PPP1CC: variants seen among roughly 807,000 people sequenced by gnomAD.
PPP1CC encodes the protein protein phosphatase 1 catalytic subunit gamma, also known as serine/threonine-protein phosphatase PP1-gamma catalytic subunit.
A neutral mutation model predicts 38.4 loss-of-function variants in PPP1CC; 16 were observed. That is an observed-to-expected ratio of 0.42 (90% confidence interval 0.28 to 0.63). PPP1CC has a LOEUF of 0.63. Ranked by LOEUF, PPP1CC falls within the 30% of genes least tolerant of loss-of-function variation. The pLI, the probability that PPP1CC is intolerant of heterozygous loss-of-function variation, is 0.25. For missense variants in PPP1CC, 170 were observed against 391.3 expected, an observed-to-expected ratio of 0.43 and a Z score of 4.77; for synonymous variants, 158 against 136.0, an observed-to-expected ratio of 1.16 and a Z score of -1.13.
At position 110,722,088 on chromosome 12, in the gene PPP1CC, A is replaced by G; in HGVS notation, c.882+47T>C. 1.2e-6 allele frequency: 2 copies of G among 1,603,650 alleles called. No homozygotes were observed. The highest frequency in any genetic ancestry group is 1.1e-5 in the South Asian group (1 of 89,880). ...GTAGCAATTATATTTTTCAATCAGC[A>G]AAGTGTAAACATATTAAAAGGAAAT... On this transcript the variant is annotated intron_variant, in intron 6 of 6. Coordinates refer to ENST00000335007, the MANE Select transcript of PPP1CC (RefSeq NM_002710.4). The surrounding 1 kb of genome is among the most constrained non-coding windows in gnomAD (Gnocchi z 5.4).
chr12:110,735,263 T>C (rs1300422861), intron 1 of PPP1CC, among the ~76,000 whole-genome samples: 2 of 151,900 alleles, frequency 1.3e-5, no homozygotes, highest in Non-Finnish European at 2.9e-5. Context: ...TATTTACTCG[T>C]TGTAGTTAAC....
At chr12:110,726,762 G>C (rs1269872735) in intron 3 of PPP1CC, 2 of 152,140 alleles carry the variant, frequency 1.3e-5, no homozygotes, top group Non-Finnish European at 2.9e-5. Context: ...GATTAGGGAT[G>C]TTTAACCAGT....
chr12:110,722,853 AAC>A lies in PPP1CC; in HGVS notation c.524-160_524-159del, dbSNP rs1468259492. On this transcript the variant is annotated intron_variant, in intron 4 of 6. Coordinates refer to ENST00000335007, the MANE Select transcript of PPP1CC (RefSeq NM_002710.4). The surrounding 1 kb of genome is among the most constrained non-coding windows in gnomAD (Gnocchi z 5.4). ...TATTTACTTTTGGTTAAAAGAAAAA[AAC>A]ACAGAAAAAGGACAACTGGATACAC... Among the ~76,000 whole-genome samples the A allele has an allele frequency of 1.3e-5, 2 of 152,274 alleles. No homozygotes were observed. The highest frequency in any genetic ancestry group is 4.8e-5 in the African/African-American group (2 of 41,468).
At chr12:110,736,907 T>C (rs1210113634) in intron 1 of PPP1CC, among the ~76,000 whole-genome samples, 6 of 152,196 alleles carry the variant, frequency 3.9e-5, no homozygotes, top group Non-Finnish European at 7.3e-5. Context: ...TGAATTCTAA[T>C]GAAGTTTCAG....
At chr12:110,719,392 T>C (rs756936731), downstream of PPP1CC, among the ~76,000 whole-genome samples, 1 of 152,154 alleles carries the variant, frequency 6.6e-6, no homozygotes, top group Non-Finnish European at 1.5e-5. Flanking sequence ...GGAGACCACT[T>C]TGTAACAGGA....
At chr12:110,717,555 G>A (rs1232865756), downstream of PPP1CC, among the ~76,000 whole-genome samples, 2 of 152,020 alleles carry the variant, frequency 1.3e-5, no homozygotes, top group Non-Finnish European at 2.9e-5. Flanking sequence ...CACCATGCCC[G>A]GCTAATTTTT....
chr12:110,728,285 G>T (rs1749362579), intron 3 of PPP1CC, among the ~76,000 whole-genome samples: 1 of 151,756 alleles, frequency 6.6e-6, no homozygotes, highest in Admixed American at 6.6e-5. Context: ...TGTAGTCCCA[G>T]CTACTCGGGA....
intron 3 of PPP1CC, 100 bp downstream of exon 3, chr12:110,730,429 C>A (rs751128835): frequency 3.2e-6 from 3 of 937,794 alleles, no homozygotes; most frequent in South Asian, 3.3e-5. Context: ...GATACCACTG[C>A]ATCTAAACTC....
At chr12:110,737,896 G>A (rs1421611946) in intron 1 of PPP1CC, among the ~76,000 whole-genome samples, 2 of 152,086 alleles carry the variant, frequency 1.3e-5, no homozygotes, top group Non-Finnish European at 2.9e-5. Context: ...TCCAGCCTGG[G>A]GACAGAGTGA....
intron 1 of PPP1CC, among the ~76,000 whole-genome samples, chr12:110,737,477 CAA>C (rs71083137): frequency 9.6e-4 from 41 of 42,488 alleles, no homozygotes; most frequent in African/African-American, 3.6e-3. Context: ...AAGAAAGACT[CAA>C]AAAAAAAAAA....
At chr12:110,732,681 C>T (rs1057211056) in intron 1 of PPP1CC, 3 of 152,188 alleles carry the variant, frequency 2.0e-5, no homozygotes, top group Admixed American at 6.5e-5. Context: ...TAAGAAAGCA[C>T]GTTCCCTAAT....
At position 110,731,453 on chromosome 12, in the gene PPP1CC, TTTAAAC is replaced by T. The variant is rs554695106; in HGVS notation, c.187+311_187+316del. On this transcript the variant is annotated intron_variant, in intron 2 of 6. Coordinates refer to ENST00000335007, the MANE Select transcript of PPP1CC (RefSeq NM_002710.4). ...TATTTTTAGCTATAACCAGTGTTGCTTTAAACTTAAACATATTCCTATACATCCATG... is the reference window on the plus strand; with the variant it reads ...TATTTTTAGCTATAACCAGTGTTGCTTTAAACATATTCCTATACATCCATG... Among the ~76,000 whole-genome samples the T allele has an allele frequency of 2.2e-4, 33 of 152,318 alleles. No individual in the cohort carries two copies. In the South Asian group the frequency reaches 6.2e-3, roughly 29 times the overall value.
rs371349912 is a variant in PPP1CC, at chr12:110,722,823, T to C, written c.524-128A>G. 273 of 734,940 alleles carry C rather than the reference T, an allele frequency of 3.7e-4. 1 individual carries two copies. In the African/African-American group the frequency reaches 4.5e-3, roughly 12 times the overall value. 45.5% of individuals were successfully genotyped at this position (734,940 alleles called of 1,614,324 possible). ...ACATAAAAACTGAAATCTATGATTA[T>C]ATTTTATTTACTTTTGGTTAAAAGA... On this transcript the variant is annotated intron_variant, in intron 4 of 6. Coordinates refer to ENST00000335007, the MANE Select transcript of PPP1CC (RefSeq NM_002710.4). The surrounding 1 kb of genome is among the most constrained non-coding windows in gnomAD (Gnocchi z 5.4).
the PPP1CC span, among the ~76,000 whole-genome samples, chr12:110,711,335 G>A: frequency 6.7e-6 from 1 of 149,386 alleles, no homozygotes; most frequent in Non-Finnish European, 1.5e-5. Flanking sequence ...GATCTCTTGA[G>A]GCCAGGAGTT....
Position 110,720,236 on chromosome 12 carries a change from A to T in PPP1CC, c.*840T>A. 6.7e-7 allele frequency: 1 copy of T among 1,492,178 alleles called. No homozygotes were observed. Among genetic ancestry groups the T allele is most frequent in the Non-Finnish European group, 9.0e-7 (1 of 1,106,914 alleles). The allele number at this position is 1,492,178 out of a possible 1,614,324, so 92.4% of individuals were successfully genotyped here. ...AAAGATTACTTAATGAATAGACTAT[A>T]TGGAAATTGTATAAAATGTTATTAC... On this transcript the variant is annotated 3_prime_UTR_variant, in exon 7 of 7. Transcript: ENST00000335007.
downstream of PPP1CC, among the ~76,000 whole-genome samples, chr12:110,716,569 T>A (rs1258059162): frequency 6.6e-6 from 1 of 152,154 alleles, no homozygotes; most frequent in Non-Finnish European, 1.5e-5. Flanking sequence ...GCCAGGCTGG[T>A]CTCATACTCG....
At chr12:110,715,775 C>T (rs960340842), downstream of PPP1CC, among the ~76,000 whole-genome samples, 2 of 152,048 alleles carry the variant, frequency 1.3e-5, no homozygotes, top group African/African-American at 2.4e-5. Context: ...TGTGTCACCA[C>T]CATGCCAGGC....
chr12:110,711,761 A>G, the PPP1CC span, among the ~76,000 whole-genome samples: 3 of 151,688 alleles, frequency 2.0e-5, no homozygotes, highest in South Asian at 6.3e-4. Context: ...CCCCATCTGT[A>G]CTAAAAATAC....
Position 110,742,845 on chromosome 12 carries a change from C to A in PPP1CC, c.-138G>T, listed in dbSNP as rs1371097407. On this transcript the variant is annotated 5_prime_UTR_variant, in exon 1 of 7. Transcript: ENST00000335007. The stretch of plus-strand genomic sequence containing the variant: ...GCCGCGGCGGGTCCCCCCCCTGCCA[C>A]CCCGCTCCCTACTTCCTCCTTCTCT... 14 of 538,138 alleles carry A rather than the reference C, an allele frequency of 2.6e-5. No individual in the cohort carries two copies. The highest frequency in any genetic ancestry group is 2.2e-4 in the African/African-American group (11 of 50,714). The allele number at this position is 538,138 out of a possible 1,614,324, so 33.3% of individuals were successfully genotyped here. A position where few individuals can be genotyped will look rare whatever the true frequency, so the allele number is the denominator to read the frequency against.
Sources: allele counts gnomAD v4.1 joint callset (sites outside exome capture counted in the v4.1 genomes callset), GRCh38; gene constraint gnomAD v4.1.1; non-coding constraint Gnocchi (gnomAD v3.1); transcripts MANE v1.5; gene names NCBI Gene and HGNC (gene_info 2026-07-23, HGNC 2026-07-21).